Variants in PCDHGC4 observed in about 807,000 individuals in gnomAD.
The protein encoded by PCDHGC4 is protocadherin gamma subfamily C, 4.
A neutral mutation model predicts 59.7 loss-of-function variants in PCDHGC4; 15 were observed. That is an observed-to-expected ratio of 0.25 (90% CI 0.17 to 0.39). The LOEUF is 0.39. Ranked by LOEUF, PCDHGC4 falls within the 10% of genes least tolerant of loss-of-function variation. The pLI, the probability that PCDHGC4 is intolerant of heterozygous loss-of-function variation, is 1.00. For synonymous variants in PCDHGC4, 434 were observed against 481.4 expected (o/e 0.90, Z 1.29); for missense variants, 1,016 against 1,189.5 (o/e 0.85, Z 2.15).
intron 2 of PCDHGC4, among the ~76,000 whole-genome samples, chr5:141,500,359 C>T (rs2099799599): frequency 6.6e-6 from 1 of 152,032 alleles, no homozygotes; most frequent in Non-Finnish European, 1.5e-5. Flanking sequence ...CAGGCGCCCA[C>T]TACCACGCCC....
chr5:141,494,926 G>T, intron 2 of PCDHGC4, 61 bp downstream of exon 2: 1 of 1,613,498 alleles, frequency 6.2e-7, no homozygotes, highest in Non-Finnish European at 8.5e-7. Flanking sequence ...GGATGACGTG[G>T]GAGGAGATGG....
rs62379205 is a variant in PCDHGC4, at chr5:141,491,971, T to G, written c.2443-2836T>G. On this transcript the variant is annotated intron_variant, in intron 1 of 3. Coordinates refer to ENST00000306593, the MANE Select transcript of PCDHGC4 (RefSeq NM_018928.3). This position sits in a 1 kb window ranked among gnomAD's most constrained non-coding sequence, Gnocchi z 6.9. ...CCTACACTCAAAAAAGGCCGGGGCC[T>G]CCTTCGAGCTTCCGGTGAATTTCGG... The G allele has an allele frequency of 3.6e-6, 3 of 831,948 alleles. No homozygotes were observed. Among genetic ancestry groups the G allele is most frequent in the Admixed American group, 3.7e-5 (1 of 26,692 alleles). The allele number at this position is 831,948 out of a possible 1,614,324, so 51.5% of individuals were successfully genotyped here.
chr5:141,490,796 A>G lies in PCDHGC4; in HGVS notation c.2442+3181A>G. ...CCAGAGGATGGACGGATCTTTGCCC[A>G]GCGTACCTTTGACTATGAATTGCTG... On this transcript the variant is annotated intron_variant, in intron 1 of 3. Coordinates refer to ENST00000306593, the MANE Select transcript of PCDHGC4 (RefSeq NM_018928.3). The surrounding 1 kb of genome is among the most constrained non-coding windows in gnomAD (Gnocchi z 5.4). The G allele has an allele frequency of 6.2e-7, 1 of 1,613,978 alleles. No individual in the cohort carries two copies. The highest frequency in any genetic ancestry group is 8.5e-7 in the Non-Finnish European group (1 of 1,179,904).
At chr5:141,500,215 T>G (rs888740312) in intron 2 of PCDHGC4, among the ~76,000 whole-genome samples, 8 of 150,660 alleles carry the variant, frequency 5.3e-5, no homozygotes, top group African/African-American at 1.9e-4. Context: ...TTTATTTATT[T>G]ATTTATTTAT....
At chr5:141,505,977 G>A (rs944259753) in intron 3 of PCDHGC4, among the ~76,000 whole-genome samples, 1 of 152,150 alleles carries the variant, frequency 6.6e-6, no homozygotes, top group East Asian at 1.9e-4. Flanking sequence ...CCAGCCGAGA[G>A]AACACCTCCT....
Position 141,487,278 on chromosome 5 carries a change from T to G in PCDHGC4, c.2105T>G (p.Phe702Cys). 6 of 1,614,180 alleles carry G rather than the reference T, an allele frequency of 3.7e-6. No individual in the cohort carries two copies. Among genetic ancestry groups the G allele is most frequent in the Non-Finnish European group, 5.1e-6 (6 of 1,180,040 alleles). Residue 702 changes from phenylalanine to cysteine, a missense_variant, in exon 1 of 4, where the codon TTT becomes TGT. Physicochemically the swap from Phe to Cys is radical, Grantham distance 205. Coordinates refer to ENST00000306593, the MANE Select transcript of PCDHGC4 (RefSeq NM_018928.3). The surrounding 1 kb of genome is among the most constrained non-coding windows in gnomAD (Gnocchi z 5.0). Reference sequence around the variant, plus strand: ...GCTGTGTCCCTAGTGGCAATTTGCTTTGTCTCCTTTGGCTCATTCGTGGCA... The same window carrying G: ...GCTGTGTCCCTAGTGGCAATTTGCTGTGTCTCCTTTGGCTCATTCGTGGCA... ...YLAVSLVAIC[F>C]VSFGSFVALL...
chr5:141,494,446 G>C (rs1046119515), intron 1 of PCDHGC4, among the ~76,000 whole-genome samples: 2 of 152,172 alleles, frequency 1.3e-5, no homozygotes, highest in African/African-American at 4.8e-5. Context: ...TGCCACTTTA[G>C]GGGGCTTTGT....
At chr5:141,508,739 C>A (rs1344024245) in intron 3 of PCDHGC4, among the ~76,000 whole-genome samples, 1 of 152,156 alleles carries the variant, frequency 6.6e-6, no homozygotes, top group African/African-American at 2.4e-5. Context: ...ACACCCCCCA[C>A]CCCGCTCTTT....
Position 141,512,703 on chromosome 5 carries a change from T to C in PCDHGC4, c.*1530T>C. ...TAGCCAGTAGTGTAGTGCGGTGTGC[T>C]TTTACGTGATGGCGGGTGGGCAGCG... On this transcript the variant is annotated 3_prime_UTR_variant, in exon 4 of 4. Coordinates refer to ENST00000306593, the MANE Select transcript of PCDHGC4 (RefSeq NM_018928.3). 1 of 152,958 alleles carries C rather than the reference T, an allele frequency of 6.5e-6. No individual in the cohort carries two copies. Among genetic ancestry groups the C allele is most frequent in the East Asian group, 1.9e-4 (1 of 5,212 alleles). 9.5% of individuals were successfully genotyped at this position (152,958 alleles called of 1,614,324 possible).
At chr5:141,502,169 G>A (rs1366413076) in intron 2 of PCDHGC4, among the ~76,000 whole-genome samples, 1 of 152,110 alleles carries the variant, frequency 6.6e-6, no homozygotes, top group African/African-American at 2.4e-5. Flanking sequence ...ATTCAGTTGA[G>A]GAATTTAACA....
chr5:141,506,277 T>C (rs905595521), intron 3 of PCDHGC4, among the ~76,000 whole-genome samples: 1 of 152,050 alleles, frequency 6.6e-6, no homozygotes. Flanking sequence ...AGTGAAACCC[T>C]GTCTCTACTA....
intron 1 of PCDHGC4, among the ~76,000 whole-genome samples, chr5:141,492,329 C>T (rs2099739386): frequency 1.3e-5 from 2 of 152,232 alleles, no homozygotes; most frequent in African/African-American, 4.8e-5. Context: ...CGTGGGCTTA[C>T]GCGAATACCA....
intron 2 of PCDHGC4, among the ~76,000 whole-genome samples, chr5:141,504,651 G>A (rs905210723): frequency 8.4e-6 from 1 of 119,750 alleles, no homozygotes; most frequent in Non-Finnish European, 1.6e-5. Flanking sequence ...ATGATAGAGT[G>A]TTTGAGGGCG....
chr5:141,490,380 T>A lies in PCDHGC4; in HGVS notation c.2442+2765T>A. On this transcript the variant is annotated intron_variant, in intron 1 of 3. Coordinates refer to ENST00000306593, the MANE Select transcript of PCDHGC4 (RefSeq NM_018928.3). The surrounding 1 kb of genome is among the most constrained non-coding windows in gnomAD (Gnocchi z 5.4). ...TTAATGTGCGAGACCGGGACTCAGG[T>A]AGAAATGGTGAAGTGAGCCTTGATA... 6.2e-7 allele frequency: 1 copy of A among 1,614,204 alleles called. No homozygotes were observed. The highest frequency in any genetic ancestry group is 1.7e-5 in the Admixed American group (1 of 60,026).
Position 141,485,086 on chromosome 5 carries a change from A to T in PCDHGC4, c.-88A>T. 1.0e-6 allele frequency: 1 copy of T among 999,576 alleles called. No individual in the cohort carries two copies. Among genetic ancestry groups the T allele is most frequent in the Non-Finnish European group, 1.5e-6 (1 of 651,740 alleles). 61.9% of individuals were successfully genotyped at this position (999,576 alleles called of 1,614,324 possible). A position where few individuals can be genotyped will look rare whatever the true frequency, so the allele number is the denominator to read the frequency against. On this transcript the variant is annotated 5_prime_UTR_variant, in exon 1 of 4. Transcript: ENST00000306593. The surrounding 1 kb of genome is among the most constrained non-coding windows in gnomAD (Gnocchi z 5.7). The stretch of plus-strand genomic sequence containing the variant: ...CCAGAGCTGGCGCGGGGAAAGGGAG[A>T]TAGGTGTCTCCAGCTGCTGTGGCTG...
At position 141,491,825 on chromosome 5, in the gene PCDHGC4, C is replaced by A. The variant is rs948385010; in HGVS notation, c.2443-2982C>A. ...CGGCTTGGTCGCTGGCTGCGCTCCA[C>A]CCGATTCTCGGGATCATTGGACCGT... On this transcript the variant is annotated intron_variant, in intron 1 of 3. Coordinates refer to ENST00000306593, the MANE Select transcript of PCDHGC4 (RefSeq NM_018928.3). This position sits in a 1 kb window ranked among gnomAD's most constrained non-coding sequence, Gnocchi z 6.9. 145 of 1,478,052 alleles carry A rather than the reference C, an allele frequency of 9.8e-5. No homozygotes were observed. Among genetic ancestry groups the A allele is most frequent in the Non-Finnish European group, 1.3e-4 (142 of 1,114,822 alleles). 91.6% of individuals were successfully genotyped at this position (1,478,052 alleles called of 1,614,324 possible). A position where few individuals can be genotyped will look rare whatever the true frequency, so the allele number is the denominator to read the frequency against.
rs1273620361 is a variant in PCDHGC4, at chr5:141,486,809, A to G, written c.1636A>G (p.Ser546Gly). 1 of 1,614,106 alleles carries G rather than the reference A, an allele frequency of 6.2e-7. No homozygotes were observed. The highest frequency in any genetic ancestry group is 1.3e-5 in the African/African-American group (1 of 74,936). The change falls in exon 1 of 4, where the codon AGC becomes GGC. Residue 546 changes from serine to glycine, a missense_variant. By Grantham distance (56) the Ser-to-Gly change is moderately conservative (BLOSUM62 0). Coordinates refer to ENST00000306593, the MANE Select transcript of PCDHGC4 (RefSeq NM_018928.3). This position sits in a 1 kb window ranked among gnomAD's most constrained non-coding sequence, Gnocchi z 5.0. Reference protein sequence around the residue: ...QARDRGNPPLSSTVTVRLFVL... With the variant: ...QARDRGNPPLGSTVTVRLFVL... ...CCGGGATCGGGGCAACCCACCCCTT[A>G]GCAGCACTGTAACAGTTCGTCTATT...
chr5:141,489,896 C>T lies in PCDHGC4; in HGVS notation c.2442+2281C>T, dbSNP rs765318875. 3 of 1,614,180 alleles carry T rather than the reference C, an allele frequency of 1.9e-6. No homozygotes were observed. The highest frequency in any genetic ancestry group is 1.3e-5 in the African/African-American group (1 of 75,066). On this transcript the variant is annotated intron_variant, in intron 1 of 3. Coordinates refer to ENST00000306593, the MANE Select transcript of PCDHGC4 (RefSeq NM_018928.3). The surrounding 1 kb of genome is among the most constrained non-coding windows in gnomAD (Gnocchi z 4.5). ...GTGCTTACTGCTGTGGATGGGGGGA[C>T]CCCAGCCCGCTCAGGGACCACCCTT...
chr5:141,496,467 T>A (rs1334392771), intron 2 of PCDHGC4, among the ~76,000 whole-genome samples: 1 of 152,056 alleles, frequency 6.6e-6, no homozygotes, highest in Non-Finnish European at 1.5e-5. Context: ...GAGTTATCTT[T>A]CCCCCATCCT....
Sources: allele counts gnomAD v4.1 joint callset (sites outside exome capture counted in the v4.1 genomes callset), GRCh38; gene constraint gnomAD v4.1.1; non-coding constraint Gnocchi (gnomAD v3.1); transcripts MANE v1.5; gene names NCBI Gene and HGNC (gene_info 2026-07-23, HGNC 2026-07-21).